PRKG1: variants seen among roughly 807,000 people sequenced by gnomAD.
The protein encoded by PRKG1 is cGMP-dependent protein kinase 1.
Under a neutral mutation model 88.1 loss-of-function variants are expected in PRKG1, and 35 were observed. The ratio of observed to expected loss-of-function variants is 0.40; its 90% CI spans 0.30 to 0.53. The LOEUF (loss-of-function observed/expected upper bound fraction) is 0.53. Among genes scored for constraint, PRKG1 ranks in the 20% least tolerant of loss-of-function variants. The pLI is 0.59. For synonymous variants in PRKG1, 303 were observed against 292.5 expected, an observed-to-expected ratio of 1.04 and a Z score of -0.37; for missense variants, 540 against 839.8, an observed-to-expected ratio of 0.64 and a Z score of 4.41.
chr10:51,928,699 A>C (rs1842627836), intron 5 of PRKG1, among the ~76,000 whole-genome samples: 1 of 152,190 alleles, frequency 6.6e-6, no homozygotes, highest in Non-Finnish European at 1.5e-5. Context: ...TGGCTCCCAC[A>C]CTGATTTTGC....
At chr10:51,659,812 T>C (rs1840250666) in intron 3 of PRKG1, among the ~76,000 whole-genome samples, 1 of 152,060 alleles carries the variant, frequency 6.6e-6, no homozygotes, top group Admixed American at 6.6e-5. Flanking sequence ...TCCTAAGCTT[T>C]GTTAGTTTTT....
intron 7 of PRKG1, among the ~76,000 whole-genome samples, chr10:52,093,880 A>C (rs1207270486): frequency 6.6e-6 from 1 of 152,180 alleles, no homozygotes; most frequent in African/African-American, 2.4e-5. Context: ...TCTACAAAAA[A>C]TAAATTCCCA....
intron 5 of PRKG1, among the ~76,000 whole-genome samples, chr10:51,989,943 T>A (rs575208604): frequency 7.0e-4 from 107 of 152,260 alleles, no homozygotes; most frequent in African/African-American, 2.5e-3. Flanking sequence ...GATTTCAGGT[T>A]TTACATTTAA....
chr10:51,321,586 T>C (rs767494358), intron 2 of PRKG1, among the ~76,000 whole-genome samples: 3 of 151,988 alleles, frequency 2.0e-5, no homozygotes, highest in Non-Finnish European at 4.4e-5. Flanking sequence ...CTCATGGAGA[T>C]AGAGAGTAGA....
intron 7 of PRKG1, among the ~76,000 whole-genome samples, chr10:52,081,244 G>T (rs143479144): frequency 6.6e-6 from 1 of 152,146 alleles, no homozygotes; most frequent in Non-Finnish European, 1.5e-5. Context: ...GCAAAGACAC[G>T]CATGTCTGGA....
chr10:51,431,484 G>T (rs941804120), intron 2 of PRKG1, among the ~76,000 whole-genome samples: 1 of 152,186 alleles, frequency 6.6e-6, no homozygotes, highest in Non-Finnish European at 1.5e-5. Context: ...CTGGCCCTGT[G>T]TTGATTTAGG....
intron 2 of PRKG1, among the ~76,000 whole-genome samples, chr10:51,419,116 A>G (rs1022700733): frequency 1.1e-4 from 17 of 152,190 alleles, no homozygotes; most frequent in African/African-American, 4.1e-4. Context: ...CAATTGAAAA[A>G]GTCATGTATT....
chr10:51,026,626 T>G (rs1002127589), intron 1 of PRKG1, among the ~76,000 whole-genome samples: 1 of 152,176 alleles, frequency 6.6e-6, no homozygotes, highest in East Asian at 1.9e-4. Flanking sequence ...AGATGTGGCT[T>G]AAATTTTATC....
intron 2 of PRKG1, among the ~76,000 whole-genome samples, chr10:51,354,501 A>C (rs1209833822): frequency 6.6e-6 from 1 of 152,150 alleles, no homozygotes; most frequent in African/African-American, 2.4e-5. Context: ...TTTATCAATA[A>C]ATTGAGATTT....
At chr10:51,120,381 A>G (rs1381282557) in intron 1 of PRKG1, among the ~76,000 whole-genome samples, 1 of 152,158 alleles carries the variant, frequency 6.6e-6, no homozygotes, top group Non-Finnish European at 1.5e-5. Context: ...AAAAAGGTGT[A>G]CAAAGGGATA....
intron 5 of PRKG1, among the ~76,000 whole-genome samples, chr10:52,021,217 G>A (rs1288825104): frequency 6.6e-6 from 1 of 152,198 alleles, no homozygotes; most frequent in African/African-American, 2.4e-5. Flanking sequence ...GAGGTTTAAG[G>A]TAAGGAAGTG....
intron 3 of PRKG1, among the ~76,000 whole-genome samples, chr10:51,719,771 A>G (rs1589230167): frequency 6.6e-6 from 1 of 152,222 alleles, no homozygotes; most frequent in Non-Finnish European, 1.5e-5. Context: ...TCTCTATAAT[A>G]TCTTTCAGAA....
intron 1 of PRKG1, among the ~76,000 whole-genome samples, chr10:51,098,705 C>G (rs1286268128): frequency 1.3e-5 from 2 of 152,196 alleles, no homozygotes; most frequent in Admixed American, 6.5e-5. Flanking sequence ...TTGAAATTGT[C>G]AAGCTGTCCA....
chr10:51,594,267 A>G (rs1296167703), intron 3 of PRKG1, among the ~76,000 whole-genome samples: 2 of 152,084 alleles, frequency 1.3e-5, no homozygotes, highest in Non-Finnish European at 2.9e-5. Flanking sequence ...GCCACAATTC[A>G]TCTTCCCACC....
intron 7 of PRKG1, among the ~76,000 whole-genome samples, chr10:52,120,812 C>T (rs112818123): frequency 7.9e-5 from 12 of 152,170 alleles, no homozygotes; most frequent in Admixed American, 2.0e-4. Context: ...GGCGGCTCTA[C>T]GGTTATGGCG....
intron 1 of PRKG1, among the ~76,000 whole-genome samples, chr10:51,141,613 G>C (rs547805416): frequency 1.3e-4 from 20 of 152,160 alleles, no homozygotes; most frequent in Non-Finnish European, 2.9e-4. Flanking sequence ...TACTGAAAGG[G>C]ACAAAGTTTT....
At chr10:52,229,076 T>C (rs966301578) in intron 9 of PRKG1, among the ~76,000 whole-genome samples, 1 of 152,180 alleles carries the variant, frequency 6.6e-6, no homozygotes, top group Non-Finnish European at 1.5e-5. Context: ...TTAGATCTTT[T>C]ATGTACTATT....
chr10:51,080,776 C>T (rs1844090291), intron 1 of PRKG1, among the ~76,000 whole-genome samples: 1 of 152,224 alleles, frequency 6.6e-6, no homozygotes, highest in Non-Finnish European at 1.5e-5. Flanking sequence ...TGTCTGCTTC[C>T]TCACACTCAG....
At position 52,015,165 on chromosome 10, in the gene PRKG1, G is replaced by A. The variant is rs368229409; in HGVS notation, c.763-39319G>A. On this transcript the variant is annotated intron_variant, in intron 5 of 17. Transcript: ENST00000373980. ...CATTGCCCTAGTATAGGTTCTCCAC[G>A]AGGGCTCTGTCCCTGCAGCAGACTT... 5.9e-5 allele frequency among the ~76,000 whole-genome samples: 9 copies of A among 152,146 alleles called. 1 individual carries two copies. The highest frequency in any genetic ancestry group is 3.9e-4 in the East Asian group (2 of 5,188).
Sources: gnomAD v4.1 joint callset for allele counts (sites outside exome capture counted in the v4.1 genomes callset) on GRCh38, gnomAD v4.1.1 for gene constraint, MANE v1.5 for transcripts, NCBI Gene and HGNC (gene_info 2026-07-23, HGNC 2026-07-21) for gene names.